CAPN13: variants seen among roughly 807,000 people sequenced by gnomAD.
CAPN13 encodes calpain 13.
Under a neutral mutation model 98.4 loss-of-function variants are expected in CAPN13, and 90 were observed. The observed-to-expected ratio is 0.92, with a 90% confidence interval of 0.77 to 1.09. The LOEUF (loss-of-function observed/expected upper bound fraction) is 1.09, where lower values mean the gene tolerates loss of function less well. CAPN13 is among the 50% of genes least tolerant of loss of function. The pLI is 0.00. For synonymous variants in CAPN13, 330 were observed against 305.5 expected, an observed-to-expected ratio of 1.08 and a Z score of -0.84; for missense variants, 887 against 841.3, an observed-to-expected ratio of 1.05 and a Z score of -0.67.
intron 5 of CAPN13, among the ~76,000 whole-genome samples, chr2:30,768,016 A>G (rs1001639964): frequency 6.6e-6 from 1 of 152,174 alleles, no homozygotes; most frequent in African/African-American, 2.4e-5. Context: ...TGGACCTATG[A>G]TGCTCTCCAC....
chr2:30,802,216 G>A (rs748975309), intron 1 of CAPN13, among the ~76,000 whole-genome samples: 12 of 151,980 alleles, frequency 7.9e-5, no homozygotes, highest in Non-Finnish European at 1.5e-4. Context: ...GGCCAAGCAC[G>A]TTGACTAAGG....
chr2:30,798,920 T>A (rs2148107371), intron 1 of CAPN13, among the ~76,000 whole-genome samples: 1 of 152,256 alleles, frequency 6.6e-6, no homozygotes, highest in East Asian at 1.9e-4. Flanking sequence ...CCTGTGCACT[T>A]GTGTGTGTAT....
At chr2:30,783,515 G>A (rs545970867) in intron 2 of CAPN13, among the ~76,000 whole-genome samples, 3 of 152,298 alleles carry the variant, frequency 2.0e-5, no homozygotes, top group African/African-American at 4.8e-5. Context: ...AAGGATAAGA[G>A]CCAGAGGAAG....
chr2:30,770,270 A>G (rs1370226893), intron 5 of CAPN13, 43 bp downstream of exon 5: 7 of 1,604,258 alleles, frequency 4.4e-6, no homozygotes, highest in Non-Finnish European at 6.0e-6. Context: ...AGGCAGGACC[A>G]GCACTGAAAC....
intron 4 of CAPN13, 144 bp downstream of exon 4, chr2:30,775,786 C>CT (rs1313211397): frequency 2.2e-6 from 1 of 460,770 alleles, no homozygotes; most frequent in Non-Finnish European, 3.9e-6. Context: ...AGCTTGAATC[C>CT]TTTTTTTGAA....
intron 2 of CAPN13, among the ~76,000 whole-genome samples, chr2:30,780,138 C>T (rs899933796): frequency 5.3e-5 from 8 of 152,088 alleles, no homozygotes; most frequent in Non-Finnish European, 7.3e-5. Context: ...TTAAAGTTAC[C>T]AAAGAGTATC....
chr2:30,754,969 G>T (rs1672370478), intron 8 of CAPN13, among the ~76,000 whole-genome samples: 1 of 152,044 alleles, frequency 6.6e-6, no homozygotes, highest in Admixed American at 6.6e-5. Context: ...ACCTATCAGT[G>T]GTTCCATATT....
At chr2:30,759,025 TCCTTCCCTCCCTCCCTCCTTC>T in intron 7 of CAPN13, among the ~76,000 whole-genome samples, 9 of 52,436 alleles carry the variant, frequency 1.7e-4, no homozygotes, top group South Asian at 9.7e-4. Context: ...CTCCTATTCT[TCCTTCCCTCCCTCCCTCCTTC>T]CTTCCTTCCC....
intron 1 of CAPN13, among the ~76,000 whole-genome samples, chr2:30,804,265 A>T (rs6749250): frequency 0.024 from 3,652 of 152,236 alleles, 152 homozygotes; most frequent in African/African-American, 0.083. Context: ...CAGTGGCGCA[A>T]CCTCGGCTCA....
intron 22 of CAPN13, among the ~76,000 whole-genome samples, chr2:30,724,184 A>G (rs1670782317): frequency 6.6e-6 from 1 of 152,100 alleles, no homozygotes; most frequent in Non-Finnish European, 1.5e-5. Flanking sequence ...TTTTATTACA[A>G]TTATATATGT....
intron 1 of CAPN13, among the ~76,000 whole-genome samples, chr2:30,796,052 A>G (rs1295282325): frequency 6.6e-6 from 1 of 151,352 alleles, no homozygotes; most frequent in East Asian, 1.9e-4. Flanking sequence ...TAGCTTTGCC[A>G]AAGCCAATTA....
chr2:30,727,276 C>A (rs575207479), intron 22 of CAPN13, among the ~76,000 whole-genome samples: 1 of 152,200 alleles, frequency 6.6e-6, no homozygotes, highest in South Asian at 2.1e-4. Flanking sequence ...CTCAGCTATA[C>A]CACCAAAAAT....
chr2:30,766,374 G>T (rs934224084), intron 5 of CAPN13, among the ~76,000 whole-genome samples: 2 of 152,292 alleles, frequency 1.3e-5, no homozygotes, highest in African/African-American at 4.8e-5. Flanking sequence ...AGAGCCCTTT[G>T]GTGTCTTCTG....
intron 3 of CAPN13, 104 bp downstream of exon 3, chr2:30,777,463 G>A: frequency 1.0e-6 from 1 of 989,494 alleles, no homozygotes; most frequent in Non-Finnish European, 1.6e-6. Flanking sequence ...CAGCACCAAG[G>A]GAACTGGCCT....
chr2:30,760,202 C>T lies in CAPN13; in HGVS notation c.775-2065G>A, dbSNP rs1164108351. Among the ~76,000 whole-genome samples, 5 of 152,240 alleles carry T rather than the reference C, an allele frequency of 3.3e-5. 1 individual carries two copies. The highest frequency in any genetic ancestry group is 3.3e-4 in the Admixed American group (5 of 15,286). On this transcript the variant is annotated intron_variant, in intron 7 of 22. Coordinates refer to ENST00000295055, the MANE Select transcript of CAPN13 (RefSeq NM_144575.3). ...GGTTCATGCCGTCCTCCTGCCTCAG[C>T]CTCCCGAGTAGCTGGGACCACAGGC...
At chr2:30,726,860 T>C (rs1210561475) in intron 22 of CAPN13, among the ~76,000 whole-genome samples, 1 of 152,164 alleles carries the variant, frequency 6.6e-6, no homozygotes, top group East Asian at 1.9e-4. Context: ...AAAATTTATA[T>C]GTAAATGCAA....
intron 21 of CAPN13, among the ~76,000 whole-genome samples, 162 bp from the exon 22 acceptor site, chr2:30,730,948 A>G (rs1671052106): frequency 1.3e-5 from 2 of 152,256 alleles, no homozygotes; most frequent in South Asian, 4.2e-4. Flanking sequence ...GTTGTCTCAC[A>G]GCACATCTTC....
At chr2:30,723,886 T>C (rs1031972706) in intron 22 of CAPN13, among the ~76,000 whole-genome samples, 1 of 152,178 alleles carries the variant, frequency 6.6e-6, no homozygotes, top group African/African-American at 2.4e-5. Context: ...CCAAGATACA[T>C]GGTTAGAAAA....
intron 22 of CAPN13, among the ~76,000 whole-genome samples, chr2:30,727,522 G>A (rs80269900): frequency 2.0e-5 from 3 of 152,110 alleles, no homozygotes; most frequent in African/African-American, 4.8e-5. Context: ...TGAACATTTC[G>A]CCGAAGATAT....
Sources: allele counts gnomAD v4.1 joint callset (sites outside exome capture counted in the v4.1 genomes callset), GRCh38; gene constraint gnomAD v4.1.1; transcripts MANE v1.5; gene names NCBI Gene and HGNC (gene_info 2026-07-23, HGNC 2026-07-21).